MAPKAP1: variants seen among roughly 807,000 people sequenced by gnomAD.
MAPKAP1 encodes MAPK associated protein 1.
In MAPKAP1, 20 loss-of-function variants were observed where a neutral mutation model predicts 65.7. The observed-to-expected ratio is 0.30, with a 90% CI of 0.21 to 0.44. The LOEUF is 0.44. MAPKAP1 is among the 20% of genes least tolerant of loss of function. MAPKAP1 has a pLI of 1.00. For synonymous variants in MAPKAP1, 222 were observed against 244.3 expected (o/e 0.91, Z 0.85); for missense variants, 423 against 648.0 (o/e 0.65, Z 3.77).
At chr9:125,474,941 C>A (rs896269424) in intron 9 of MAPKAP1, among the ~76,000 whole-genome samples, 2 of 152,194 alleles carry the variant, frequency 1.3e-5, no homozygotes, top group East Asian at 1.9e-4. Context: ...GGGAGTGCCA[C>A]TGAACAACTC....
chr9:125,491,858 A>G (rs1029088625), intron 8 of MAPKAP1, among the ~76,000 whole-genome samples: 1 of 152,090 alleles, frequency 6.6e-6, no homozygotes, highest in Non-Finnish European at 1.5e-5. Context: ...TTCAATAAAT[A>G]TTTTAAAATT....
rs1835181603 is a variant in MAPKAP1 at position 125,691,882 on chromosome 9, GGT to G, written c.-70+15087_-70+15088del. Reference sequence around the variant, plus strand: ...TCACTAATGCCCAATATATATGCCTGGTACCCACATGCTTGTAGAATGAACCT... The same window carrying G: ...TCACTAATGCCCAATATATATGCCTGACCCACATGCTTGTAGAATGAACCT... On this transcript the variant is annotated intron_variant, in intron 1 of 11. Coordinates refer to ENST00000265960, the MANE Select transcript of MAPKAP1 (RefSeq NM_001006617.3). Among the ~76,000 whole-genome samples the G allele has an allele frequency of 2.6e-5, 4 of 152,330 alleles. No homozygotes were observed. In the South Asian group the frequency reaches 8.3e-4, roughly 32 times the overall value.
At position 125,595,851 on chromosome 9, in the gene MAPKAP1, A is replaced by G. The variant is rs562270584; in HGVS notation, c.499-10124T>C. ...TCCGGGGGTTTTGGGTTTGTCACCT[A>G]TGCCACTGTGGAGGAGGTGGATGCA... On this transcript the variant is annotated intron_variant, in intron 4 of 11. Transcript: ENST00000265960. This position sits in a 1 kb window ranked among gnomAD's most constrained non-coding sequence, Gnocchi z 4.0. 2.7e-6 allele frequency: 3 copies of G among 1,131,296 alleles called. No homozygotes were observed. Among genetic ancestry groups the G allele is most frequent in the African/African-American group, 3.0e-5 (2 of 65,942 alleles). The allele number at this position is 1,131,296 out of a possible 1,614,324, so 70.1% of individuals were successfully genotyped here. A position where few individuals can be genotyped will look rare whatever the true frequency, so the allele number is the denominator to read the frequency against.
chr9:125,517,769 C>T (rs1211401215), intron 7 of MAPKAP1, among the ~76,000 whole-genome samples: 1 of 152,178 alleles, frequency 6.6e-6, no homozygotes, highest in African/African-American at 2.4e-5. Flanking sequence ...GGGAGGCATC[C>T]TTTTGGCATA....
chr9:125,484,683 T>C, intron 8 of MAPKAP1, 100 bp from the exon 9 acceptor site: 1 of 1,206,496 alleles, frequency 8.3e-7, no homozygotes, highest in Non-Finnish European at 1.1e-6. Context: ...ATATGGGCTA[T>C]TTAATTTGGA....
At chr9:125,629,054 A>AACACACACACACACAC (rs71374284) in intron 4 of MAPKAP1, among the ~76,000 whole-genome samples, 191 of 147,484 alleles carry the variant, frequency 1.3e-3, no homozygotes, top group African/African-American at 4.4e-3. Flanking sequence ...TCACTGTCAA[A>AACACACACACACACAC]ACACACACAC....
At chr9:125,702,248 A>C (rs1036247376) in intron 1 of MAPKAP1, among the ~76,000 whole-genome samples, 1 of 152,074 alleles carries the variant, frequency 6.6e-6, no homozygotes, top group Non-Finnish European at 1.5e-5. Flanking sequence ...TTTTTTTAAA[A>C]ATTAGGCCGG....
chr9:125,477,204 G>A (rs924726523), intron 9 of MAPKAP1, among the ~76,000 whole-genome samples: 1 of 152,164 alleles, frequency 6.6e-6, no homozygotes, highest in African/African-American at 2.4e-5. Context: ...TTATAGATGC[G>A]ATGCTGATAG....
chr9:125,497,036 AG>A (rs1257154460), intron 8 of MAPKAP1, among the ~76,000 whole-genome samples: 1 of 152,144 alleles, frequency 6.6e-6, no homozygotes. Context: ...GAGTAAAGGT[AG>A]GAACTGTAAC....
intron 4 of MAPKAP1, among the ~76,000 whole-genome samples, chr9:125,617,419 C>CCTGGG (rs1347201878): frequency 6.6e-6 from 1 of 152,172 alleles, no homozygotes; most frequent in Non-Finnish European, 1.5e-5. Flanking sequence ...CATGATCATG[C>CCTGGG]CACTGCACTC....
intron 4 of MAPKAP1, among the ~76,000 whole-genome samples, chr9:125,638,193 G>A (rs1317793543): frequency 6.6e-6 from 1 of 152,234 alleles, no homozygotes; most frequent in African/African-American, 2.4e-5. Context: ...TGGAAGGGCA[G>A]TGGGAGTATT....
intron 6 of MAPKAP1, among the ~76,000 whole-genome samples, chr9:125,551,372 G>A (rs770587221): frequency 4.3e-4 from 66 of 152,166 alleles, no homozygotes; most frequent in Admixed American, 2.0e-3. Context: ...CCTAGGGCAC[G>A]CCTCTTTAAA....
At chr9:125,461,616 G>C (rs1026366626) in intron 10 of MAPKAP1, among the ~76,000 whole-genome samples, 3 of 152,172 alleles carry the variant, frequency 2.0e-5, no homozygotes, top group African/African-American at 7.2e-5. Flanking sequence ...ATGAGGCACT[G>C]CCTGCTCCTG....
At chr9:125,610,768 C>G (rs1384909252) in intron 4 of MAPKAP1, among the ~76,000 whole-genome samples, 1 of 152,126 alleles carries the variant, frequency 6.6e-6, no homozygotes, top group South Asian at 2.1e-4. Context: ...AGATTTTAAG[C>G]CAAGAATTTA....
At chr9:125,631,986 G>A (rs7027608) in intron 4 of MAPKAP1, among the ~76,000 whole-genome samples, 6,908 of 152,146 alleles carry the variant, frequency 0.045, 496 homozygotes, top group African/African-American at 0.16. Context: ...TTGCAAGGCC[G>A]AGGCGGGCAG....
intron 7 of MAPKAP1, chr9:125,521,866 G>C (rs1458588671): frequency 9.4e-7 from 1 of 1,062,070 alleles, no homozygotes; most frequent in East Asian, 2.5e-5. Flanking sequence ...TCAGTGGAGA[G>C]CAAGCTTAGA....
At chr9:125,652,193 C>G (rs1480302256) in intron 4 of MAPKAP1, 1 of 1,317,442 alleles carries the variant, frequency 7.6e-7, no homozygotes, top group Admixed American at 1.9e-5. Flanking sequence ...TTGAAGAGAG[C>G]TATTTAATGC....
At chr9:125,666,502 A>C (rs1191342750) in intron 3 of MAPKAP1, among the ~76,000 whole-genome samples, 2 of 152,224 alleles carry the variant, frequency 1.3e-5, no homozygotes, top group East Asian at 3.8e-4. Flanking sequence ...TAAATAATAG[A>C]AAAAGAATGA....
intron 6 of MAPKAP1, among the ~76,000 whole-genome samples, chr9:125,547,361 G>A (rs117199236): frequency 6.6e-6 from 1 of 152,156 alleles, no homozygotes; most frequent in African/African-American, 2.4e-5. Context: ...AAGGGCATAG[G>A]CTGGGGGTTA....
Sources: allele counts gnomAD v4.1 joint callset (sites outside exome capture counted in the v4.1 genomes callset), GRCh38; gene constraint gnomAD v4.1.1; non-coding constraint Gnocchi (gnomAD v3.1); transcripts MANE v1.5; gene names NCBI Gene and HGNC (gene_info 2026-07-23, HGNC 2026-07-21).